DTNA: variants seen among roughly 807,000 people sequenced by gnomAD.
DTNA encodes dystrobrevin alpha.
In DTNA, 43 loss-of-function variants were observed where a neutral mutation model predicts 100.7. That is an observed-to-expected ratio of 0.43 (90% confidence interval 0.33 to 0.55). The LOEUF is 0.55. DTNA is among the 20% of genes least tolerant of loss of function. The probability of loss-of-function intolerance (pLI) is 0.04; values close to 1 mark genes in which losing one functional copy is unlikely to be tolerated. For synonymous variants in DTNA, 349 were observed against 347.9 expected (o/e 1.00, Z -0.04); for missense variants, 798 against 953.9 (o/e 0.84, Z 2.15).
intron 3 of DTNA, among the ~76,000 whole-genome samples, chr18:34,786,374 T>C (rs1379776364): frequency 6.6e-6 from 1 of 152,038 alleles, no homozygotes; most frequent in Admixed American, 6.6e-5. Context: ...CTCTGAAGAG[T>C]GTAATTGCAA....
At position 34,608,508 on chromosome 18, in the gene DTNA, G is replaced by T. The variant is rs968289065; in HGVS notation, c.-2+114994G>T. Reference sequence around the variant, plus strand: ...TTTGACAAAAGGGACAAAAGTATTCGTTAGGTTTTTTTTTTTTTTATGGAT... The same window carrying T: ...TTTGACAAAAGGGACAAAAGTATTCTTTAGGTTTTTTTTTTTTTTATGGAT... On this transcript the variant is annotated intron_variant, in intron 1 of 19. Transcript: ENST00000283365. Among the ~76,000 whole-genome samples the T allele has an allele frequency of 4.2e-5, 6 of 141,194 alleles. No individual in the cohort carries two copies. The South Asian group carries it at 1.3e-3, about 30-fold the overall frequency. The allele number at this position is 141,194 out of a possible 152,430, so 92.6% of individuals were successfully genotyped here.
In DTNA at chr18:34,857,880, G is replaced by C. The variant is rs79756154; in HGVS notation, c.1533-405G>C. 2.6e-5 allele frequency among the ~76,000 whole-genome samples: 4 copies of C among 152,154 alleles called. No individual in the cohort carries two copies. The South Asian group carries it at 6.2e-4, about 24-fold the overall frequency. On this transcript the variant is annotated intron_variant, in intron 15 of 22. Coordinates refer to ENST00000444659, the MANE Select transcript of DTNA (RefSeq NM_001386795.1). ...TACTTGGTAGCTGCAGGTACTTTAC[G>C]GTGTCAGAGTGTGATCGTAAATAAC... is the stretch of plus-strand genomic sequence containing the variant.
intron 1 of DTNA, among the ~76,000 whole-genome samples, chr18:34,700,444 C>T (rs1341851390): frequency 6.6e-6 from 1 of 152,160 alleles, no homozygotes; most frequent in Non-Finnish European, 1.5e-5. Context: ...CTCATTCTTT[C>T]TCACTATCAG....
At chr18:34,718,357 T>C (rs1204526780) in intron 1 of DTNA, among the ~76,000 whole-genome samples, 1 of 152,194 alleles carries the variant, frequency 6.6e-6, no homozygotes, top group Non-Finnish European at 1.5e-5. Context: ...AATAGTGTTT[T>C]TATTTCTTCC....
At chr18:34,593,820 A>G (rs2050029174) in intron 1 of DTNA, among the ~76,000 whole-genome samples, 1 of 152,164 alleles carries the variant, frequency 6.6e-6, no homozygotes, top group African/African-American at 2.4e-5. Flanking sequence ...CTGAGTTACA[A>G]TCTCAATAGT....
rs149488845 is a variant in DTNA, at chr18:34,581,618, T to TTGTTG, written c.-2+88105_-2+88106insGTTGT. Among the ~76,000 whole-genome samples, 164 of 134,338 alleles carry TTGTTG rather than the reference T, an allele frequency of 1.2e-3. 3 individuals are homozygous for TTGTTG. The highest frequency in any genetic ancestry group is 2.0e-3 in the African/African-American group (62 of 30,248). 88.1% of individuals were successfully genotyped at this position (134,338 alleles called of 152,430 possible). ...ATATGGCAGTCAGGCATGCCCCTAG[T>TTGTTG]TAGTTTTTTTTTTTTTTTTTTGTGA... is the stretch of plus-strand genomic sequence containing the variant. On this transcript the variant is annotated intron_variant, in intron 1 of 19. Transcript: ENST00000283365.
chr18:34,539,826 T>C (rs964902114), intron 1 of DTNA, among the ~76,000 whole-genome samples: 1 of 151,950 alleles, frequency 6.6e-6, no homozygotes, highest in African/African-American at 2.4e-5. Context: ...AGTTGCAATA[T>C]ATAAGCACTA....
rs1406333751 is a variant in DTNA at position 34,884,763 on chromosome 18, C to T, written c.*18C>T. 2.5e-6 allele frequency: 4 copies of T among 1,614,076 alleles called. No individual in the cohort carries two copies. In the South Asian group the frequency reaches 4.4e-5, roughly 18 times the overall value. On this transcript the variant is annotated 3_prime_UTR_variant, in exon 22 of 23. Coordinates refer to ENST00000444659, the MANE Select transcript of DTNA (RefSeq NM_001386795.1). The stretch of plus-strand genomic sequence containing the variant: ...AAGGTTGAATGCAATATCCTTTTAT[C>T]ACACTCCTCTCAAGTAAGTACCATC...
chr18:34,840,319 T>A (rs944294887), intron 13 of DTNA, among the ~76,000 whole-genome samples: 5 of 152,170 alleles, frequency 3.3e-5, no homozygotes, highest in African/African-American at 1.2e-4. Context: ...AATTGCTTTA[T>A]TCCCAAGGAG....
intron 16 of DTNA, among the ~76,000 whole-genome samples, chr18:34,861,668 C>T (rs1451887708): frequency 6.6e-6 from 1 of 151,948 alleles, no homozygotes; most frequent in East Asian, 1.9e-4. Context: ...GGAGGTTACA[C>T]CACAGATTTG....
intron 11 of DTNA, among the ~76,000 whole-genome samples, chr18:34,830,756 A>G (rs2095989443): frequency 6.6e-6 from 1 of 152,186 alleles, no homozygotes; most frequent in Non-Finnish European, 1.5e-5. Flanking sequence ...TGGGTCATAT[A>G]ACATAATTGA....
chr18:34,861,954 T>C (rs2096633464), intron 16 of DTNA, among the ~76,000 whole-genome samples: 1 of 152,172 alleles, frequency 6.6e-6, no homozygotes, highest in Non-Finnish European at 1.5e-5. Context: ...GTTTCTCACC[T>C]ACAGTTTTAG....
chr18:34,865,538 G>C (rs2096688801), intron 17 of DTNA, among the ~76,000 whole-genome samples: 1 of 152,134 alleles, frequency 6.6e-6, no homozygotes, highest in Admixed American at 6.5e-5. Context: ...AATTAGATAT[G>C]TACAGTGTAG....
chr18:34,587,708 T>G (rs2049282738), intron 1 of DTNA, among the ~76,000 whole-genome samples: 1 of 152,134 alleles, frequency 6.6e-6, no homozygotes, highest in Non-Finnish European at 1.5e-5. Flanking sequence ...AAAGACCAAA[T>G]GAAATCTTTA....
chr18:34,509,671 G>C (rs2040839891), intron 1 of DTNA, among the ~76,000 whole-genome samples: 1 of 152,068 alleles, frequency 6.6e-6, no homozygotes, highest in South Asian at 2.1e-4. Context: ...TCATCTAGCT[G>C]TTCTTTTATT....
At chr18:34,498,358 G>A (rs950640502) in intron 1 of DTNA, among the ~76,000 whole-genome samples, 1 of 151,346 alleles carries the variant, frequency 6.6e-6, no homozygotes, top group Non-Finnish European at 1.5e-5. Context: ...GTGTGAACCC[G>A]GGAGGCAGAG....
intron 1 of DTNA, among the ~76,000 whole-genome samples, chr18:34,631,750 A>AAAG (rs1409808508): frequency 2.6e-5 from 4 of 152,222 alleles, no homozygotes; most frequent in African/African-American, 9.6e-5. Context: ...ATTGAGCTAC[A>AAAG]AAGAGTCTGT....
chr18:34,610,796 G>A (rs560656286), intron 1 of DTNA, among the ~76,000 whole-genome samples: 2 of 152,190 alleles, frequency 1.3e-5, no homozygotes, highest in Admixed American at 6.5e-5. Context: ...CTCTTAAATT[G>A]GAACAATAAT....
intron 1 of DTNA, among the ~76,000 whole-genome samples, chr18:34,627,191 C>A (rs1215364204): frequency 6.6e-6 from 1 of 151,926 alleles, no homozygotes; most frequent in Non-Finnish European, 1.5e-5. Flanking sequence ...TCTACCACTT[C>A]AAGAAAGCTG....
Sources: allele counts gnomAD v4.1 joint callset (sites outside exome capture counted in the v4.1 genomes callset), GRCh38; gene constraint gnomAD v4.1.1; transcripts MANE v1.5; gene names NCBI Gene and HGNC (gene_info 2026-07-23, HGNC 2026-07-21).